The following NBEAL1 variants were observed in gnomAD, a reference collection of about 807,000 sequenced individuals.
The protein encoded by NBEAL1 is neurobeachin like 1, also known as neurobeachin-like protein 1.
A neutral mutation model predicts 351.3 loss-of-function variants in NBEAL1; 273 were observed. The ratio of observed to expected loss-of-function variants is 0.78; its 90% CI spans 0.70 to 0.86. The LOEUF is 0.86. Among genes scored for constraint, NBEAL1 ranks in the 40% least tolerant of loss-of-function variants. The pLI is 0.00. For missense variants in NBEAL1, 2,961 were observed against 3,201.3 expected, an observed-to-expected ratio of 0.92 and a Z score of 1.81; for synonymous variants, 1,050 against 1,086.4, an observed-to-expected ratio of 0.97 and a Z score of 0.66.
intron 36 of NBEAL1, among the ~76,000 whole-genome samples, chr2:203,164,861 CTTTTT>C (rs36031308): frequency 7.5e-6 from 1 of 133,290 alleles, no homozygotes; most frequent in Non-Finnish European, 1.6e-5. Context: ...TCCCATTTCT[CTTTTT>C]TTTTTTTTTT....
intron 36 of NBEAL1, among the ~76,000 whole-genome samples, chr2:203,161,038 G>A (rs889298329): frequency 3.9e-5 from 6 of 151,952 alleles, no homozygotes; most frequent in African/African-American, 1.2e-4. Flanking sequence ...AAGAAAATAG[G>A]CCAGGGAGGC....
At position 203,062,535 on chromosome 2, in the gene NBEAL1, C is replaced by T. The variant is rs1310734204; in HGVS notation, c.515+5082C>T. On this transcript the variant is annotated intron_variant, in intron 6 of 55. Transcript: ENST00000683969. This position sits in a 1 kb window ranked among gnomAD's most constrained non-coding sequence, Gnocchi z 4.2. ...GAGGAGAGGGAGCCCAAGCTAGGAG[C>T]GCAGCCCAGAGACCCAAAAAGAAGA... is the stretch of plus-strand genomic sequence containing the variant. The T allele has an allele frequency of 4.4e-6, 1 of 226,212 alleles. No homozygotes were observed. Among genetic ancestry groups the T allele is most frequent in the East Asian group, 1.4e-4 (1 of 7,134 alleles). 14.0% of individuals were successfully genotyped at this position (226,212 alleles called of 1,614,324 possible). A position where few individuals can be genotyped will look rare whatever the true frequency, so the allele number is the denominator to read the frequency against.
chr2:203,070,632 G>A (rs921255800), intron 7 of NBEAL1, among the ~76,000 whole-genome samples: 5 of 152,154 alleles, frequency 3.3e-5, no homozygotes, highest in Admixed American at 2.6e-4. Flanking sequence ...AATACAGGAA[G>A]CATGACAGCC....
intron 12 of NBEAL1, among the ~76,000 whole-genome samples, chr2:203,106,574 A>G (rs1353695829): frequency 2.0e-5 from 3 of 152,190 alleles, no homozygotes; most frequent in Non-Finnish European, 4.4e-5. Flanking sequence ...ATGAGAAAAG[A>G]TGTTCCAGTC....
intron 24 of NBEAL1, 138 bp downstream of exon 24, chr2:203,128,075 A>C: frequency 1.6e-6 from 1 of 620,248 alleles, no homozygotes; most frequent in South Asian, 2.1e-5. Flanking sequence ...TATGCACTTA[A>C]GAAGTAAATT....
At chr2:203,124,978 T>A (rs1411482053) in intron 19 of NBEAL1, among the ~76,000 whole-genome samples, 1 of 151,900 alleles carries the variant, frequency 6.6e-6, no homozygotes, top group Non-Finnish European at 1.5e-5. Context: ...ACCAAATGCA[T>A]TTTTTTTCAT....
At chr2:203,046,603 G>A (rs1475538777) in intron 3 of NBEAL1, among the ~76,000 whole-genome samples, 3 of 152,134 alleles carry the variant, frequency 2.0e-5, no homozygotes, top group African/African-American at 7.2e-5. Context: ...GGTGTCTGGT[G>A]AGGGCCTGTC....
chr2:203,190,340 T>C lies in NBEAL1; in HGVS notation c.6872T>C (p.Leu2291Ser), dbSNP rs761566105. 21 of 1,612,576 alleles carry C rather than the reference T, an allele frequency of 1.3e-5. No homozygotes were observed. The highest frequency in any genetic ancestry group is 8.0e-5 in the African/African-American group (6 of 74,776). ...ALTDEKERKA[L>S]EGMINNFGQT... ...ACAGATGAGAAAGAAAGAAAAGCCT[T>C]AGAAGGGATGATTAATAATTTTGGG... Residue 2291 changes from leucine to serine, a missense_variant, in exon 46 of 56, where the codon TTA becomes TCA. Physicochemically the swap from Leu to Ser is moderately radical, Grantham distance 145. Coordinates refer to ENST00000683969, the MANE Select transcript of NBEAL1 (RefSeq NM_001378026.1).
intron 48 of NBEAL1, among the ~76,000 whole-genome samples, chr2:203,198,634 G>T (rs2065304770): frequency 6.6e-6 from 1 of 151,946 alleles, no homozygotes; most frequent in Admixed American, 6.6e-5. Flanking sequence ...GGAGGCTGTG[G>T]GTGGATTTCT....
At chr2:203,019,226 T>C (rs1423436084) in intron 2 of NBEAL1, among the ~76,000 whole-genome samples, 2 of 152,220 alleles carry the variant, frequency 1.3e-5, no homozygotes, top group African/African-American at 4.8e-5. Flanking sequence ...AGGGCTAGAA[T>C]AATTTATTAG....
chr2:203,017,308 C>T (rs1464698148), intron 2 of NBEAL1, among the ~76,000 whole-genome samples: 1 of 152,128 alleles, frequency 6.6e-6, no homozygotes, highest in African/African-American at 2.4e-5. Flanking sequence ...TCTGCATTAT[C>T]CTTTCATGCT....
rs1485687768 is a variant in NBEAL1 at position 203,130,175 on chromosome 2, T to A, written c.3406-143T>A. On this transcript the variant is annotated intron_variant, in intron 24 of 55. Coordinates refer to ENST00000683969, the MANE Select transcript of NBEAL1 (RefSeq NM_001378026.1). ...AGATTCTGTCTCAAAAGAATTTTTT[T>A]AAAAAGACATCATATCAGATATAGT... is the stretch of plus-strand genomic sequence containing the variant. 7.3e-6 allele frequency: 6 copies of A among 823,274 alleles called. No individual in the cohort carries two copies. The East Asian group carries it at 1.0e-4, about 14-fold the overall frequency. 51.0% of individuals were successfully genotyped at this position (823,274 alleles called of 1,614,324 possible).
At chr2:203,048,367 C>A (rs1047038908) in intron 3 of NBEAL1, among the ~76,000 whole-genome samples, 2 of 118,452 alleles carry the variant, frequency 1.7e-5, no homozygotes, top group African/African-American at 3.2e-5. Flanking sequence ...GGCAACACAG[C>A]GAGACTCCAT....
At chr2:203,119,057 C>G (rs1422825441) in intron 18 of NBEAL1, among the ~76,000 whole-genome samples, 2 of 151,442 alleles carry the variant, frequency 1.3e-5, no homozygotes, top group Non-Finnish European at 2.9e-5. Context: ...CTTAATATGA[C>G]TATTGATAAA....
At position 203,129,500 on chromosome 2, in the gene NBEAL1, G is replaced by A. The variant is rs191485362; in HGVS notation, c.3406-818G>A. On this transcript the variant is annotated intron_variant, in intron 24 of 55. Coordinates refer to ENST00000683969, the MANE Select transcript of NBEAL1 (RefSeq NM_001378026.1). Reference sequence around the variant, plus strand: ...TCTCATTATTCCCATCTTATTTCATGATAGCTGTATCTATGATTCATTGCC... The same window carrying A: ...TCTCATTATTCCCATCTTATTTCATAATAGCTGTATCTATGATTCATTGCC... 5.9e-5 allele frequency among the ~76,000 whole-genome samples: 9 copies of A among 152,232 alleles called. No homozygotes were observed. The East Asian group carries it at 1.7e-3, about 29-fold the overall frequency.
chr2:203,105,668 C>T (rs1259102836), intron 12 of NBEAL1, among the ~76,000 whole-genome samples: 2 of 152,094 alleles, frequency 1.3e-5, no homozygotes, highest in African/African-American at 2.4e-5. Context: ...AAATCATTCA[C>T]AAAATATCTT....
Position 203,119,423 on chromosome 2 carries a change from G to A in NBEAL1, c.2593-2831G>A, listed in dbSNP as rs375991789. 3.3e-4 allele frequency among the ~76,000 whole-genome samples: 7 copies of A among 21,440 alleles called. 1 individual carries two copies. The highest frequency in any genetic ancestry group is 6.5e-4 in the African/African-American group (7 of 10,722). 14.1% of individuals were successfully genotyped at this position (21,440 alleles called of 152,430 possible). ...CGTGAGCCACTGCATACGGCCTGTT[G>A]CTTTTTTTTTTTTTTTTTTTTGAGA... On this transcript the variant is annotated intron_variant, in intron 18 of 55. Coordinates refer to ENST00000683969, the MANE Select transcript of NBEAL1 (RefSeq NM_001378026.1).
Position 203,211,087 on chromosome 2 carries a change from T to C in NBEAL1, c.7915T>C (p.Ser2639Pro). The C allele has an allele frequency of 6.3e-7, 1 of 1,585,312 alleles. No individual in the cohort carries two copies. Among genetic ancestry groups the C allele is most frequent in the Non-Finnish European group, 8.6e-7 (1 of 1,166,350 alleles). Reference sequence around the variant, plus strand: ...CACAGGCAGCATACAAGGATTCCTGTCTATAAGAGATCTCCACAGGTAAAT... The same window carrying C: ...CACAGGCAGCATACAAGGATTCCTGCCTATAAGAGATCTCCACAGGTAAAT... ...IVTGSIQGFL[S>P]IRDLHSLNLS... The change falls in exon 54 of 56, where the codon TCT (serine) becomes CCT (proline). Residue 2639 changes from serine (S) to proline (P), a missense_variant. By Grantham distance (74) the Ser-to-Pro change is moderately conservative (BLOSUM62 -1). Coordinates refer to ENST00000683969, the MANE Select transcript of NBEAL1 (RefSeq NM_001378026.1).
chr2:203,016,293 C>T lies in NBEAL1; in HGVS notation c.-92C>T. On this transcript the variant is annotated 5_prime_UTR_variant, in exon 2 of 56. It adds an upstream start codon to the 5' untranslated region. Transcript: ENST00000683969. ...CTTTACTGCTATGAGCTTTACTGAA[C>T]GGCTGAAAAACTTGGAAAATAAAAT... is the stretch of plus-strand genomic sequence containing the variant. 3 of 866,908 alleles carry T rather than the reference C, an allele frequency of 3.5e-6. No individual in the cohort carries two copies. The highest frequency in any genetic ancestry group is 1.7e-5 in the African/African-American group (1 of 58,858). 53.7% of individuals were successfully genotyped at this position (866,908 alleles called of 1,614,324 possible). A position where few individuals can be genotyped will look rare whatever the true frequency, so the allele number is the denominator to read the frequency against.
Sources: gnomAD v4.1 joint callset for allele counts (sites outside exome capture counted in the v4.1 genomes callset) on GRCh38, gnomAD v4.1.1 for gene constraint, Gnocchi (gnomAD v3.1) non-coding constraint, MANE v1.5 for transcripts, NCBI Gene and HGNC (gene_info 2026-07-23, HGNC 2026-07-21) for gene names.